The following PDE4B variants were observed in gnomAD, a reference collection of about 807,000 sequenced individuals.
PDE4B encodes 3',5'-cyclic-AMP phosphodiesterase 4B.
PDE4B carries 20 observed loss-of-function variants against 82.2 expected under a neutral mutation model. The ratio of observed to expected loss-of-function variants is 0.24; its 90% confidence interval spans 0.17 to 0.35. PDE4B has a LOEUF of 0.35. Ranked by LOEUF, PDE4B falls within the 10% of genes least tolerant of loss-of-function variation. The pLI, the probability that PDE4B is intolerant of heterozygous loss-of-function variation, is 1.00. For synonymous variants in PDE4B, 320 were observed against 318.9 expected (o/e 1.00, Z -0.04); for missense variants, 655 against 907.2 (o/e 0.72, Z 3.57).
chr1:66,141,412 T>C (rs1646170490), intron 3 of PDE4B, among the ~76,000 whole-genome samples: 1 of 145,712 alleles, frequency 6.9e-6, no homozygotes, highest in Admixed American at 7.0e-5. Flanking sequence ...TGAGCAAAGT[T>C]TCCCGAAGAT....
chr1:65,864,215 C>T (rs1646485518), intron 1 of PDE4B, among the ~76,000 whole-genome samples: 1 of 151,912 alleles, frequency 6.6e-6, no homozygotes, highest in African/African-American at 2.4e-5. Context: ...TCCACCGAGT[C>T]ATTTATGTTC....
At chr1:65,976,884 A>C (rs1446125025) in intron 3 of PDE4B, among the ~76,000 whole-genome samples, 1 of 152,164 alleles carries the variant, frequency 6.6e-6, no homozygotes, top group African/African-American at 2.4e-5. Flanking sequence ...TAAATTACTC[A>C]GTCTTAGGTA....
chr1:66,363,004 C>T (rs542142424), intron 10 of PDE4B, among the ~76,000 whole-genome samples, 164 bp from the exon 11 acceptor site: 6 of 152,162 alleles, frequency 3.9e-5, no homozygotes, highest in South Asian at 2.1e-4. Context: ...AGAGGACACC[C>T]GACCTCCTAG....
At chr1:66,013,404 G>T (rs1652596728) in intron 3 of PDE4B, among the ~76,000 whole-genome samples, 1 of 152,004 alleles carries the variant, frequency 6.6e-6, no homozygotes, top group Admixed American at 6.6e-5. Flanking sequence ...TGATGCTTTG[G>T]ATTCTACATT....
At chr1:66,198,537 T>G (rs1557626963) in intron 3 of PDE4B, among the ~76,000 whole-genome samples, 1 of 152,142 alleles carries the variant, frequency 6.6e-6, no homozygotes, top group Admixed American at 6.6e-5. Flanking sequence ...TTCCAAAGCC[T>G]CAAAGACTGT....
intron 3 of PDE4B, among the ~76,000 whole-genome samples, chr1:66,191,332 C>G (rs1427776577): frequency 6.6e-6 from 1 of 152,142 alleles, no homozygotes; most frequent in African/African-American, 2.4e-5. Flanking sequence ...AACACTTAAG[C>G]ATCTTCTTTG....
chr1:65,888,521 C>A (rs1020303516), intron 1 of PDE4B, among the ~76,000 whole-genome samples: 16 of 152,060 alleles, frequency 1.1e-4, no homozygotes, highest in Admixed American at 6.6e-5. Flanking sequence ...TATATTGAAT[C>A]TGCAAATTGC....
intron 3 of PDE4B, among the ~76,000 whole-genome samples, chr1:66,217,735 G>A (rs1369937336): frequency 6.6e-6 from 1 of 152,218 alleles, no homozygotes; most frequent in South Asian, 2.1e-4. Flanking sequence ...CCTAGGTTCT[G>A]TTGCGCAATT....
chr1:66,197,112 C>T lies in PDE4B; in HGVS notation c.282-50348C>T, dbSNP rs540193469. Among the ~76,000 whole-genome samples the T allele has an allele frequency of 7.2e-5, 11 of 151,948 alleles. No individual in the cohort carries two copies. The East Asian group carries it at 1.9e-3, about 27-fold the overall frequency. On this transcript the variant is annotated intron_variant, in intron 3 of 16. Coordinates refer to ENST00000341517, the MANE Select transcript of PDE4B (RefSeq NM_002600.4). ...TGAAGTCTGGATCTGTTTATGTTGCCGCAGTCCCTCTTGAAATTACCAAAT... is the reference window on the plus strand; with the variant it reads ...TGAAGTCTGGATCTGTTTATGTTGCTGCAGTCCCTCTTGAAATTACCAAAT...
chr1:66,259,387 A>C (rs1043171187), intron 6 of PDE4B, among the ~76,000 whole-genome samples: 2 of 152,080 alleles, frequency 1.3e-5, no homozygotes, highest in African/African-American at 4.8e-5. Flanking sequence ...AGCCACATGG[A>C]ATTATGTTCA....
intron 1 of PDE4B, among the ~76,000 whole-genome samples, chr1:65,800,113 C>T (rs577707355): frequency 8.5e-4 from 130 of 152,134 alleles, no homozygotes; most frequent in Admixed American, 1.8e-3. Context: ...AAAAGCACAT[C>T]CATGTTTTCC....
intron 3 of PDE4B, among the ~76,000 whole-genome samples, chr1:66,016,264 G>A (rs77726324): frequency 0.021 from 3,212 of 152,254 alleles, 115 homozygotes; most frequent in African/African-American, 0.073. Flanking sequence ...AGAAGCACAG[G>A]AAGAGACTCA....
At chr1:66,245,095 C>A (rs981767707) in intron 3 of PDE4B, among the ~76,000 whole-genome samples, 13 of 152,288 alleles carry the variant, frequency 8.5e-5, no homozygotes, top group Middle Eastern at 3.4e-3. Flanking sequence ...CAGATACACA[C>A]AGCAGTGGTA....
At chr1:66,318,455 T>A (rs1570683277) in intron 7 of PDE4B, among the ~76,000 whole-genome samples, 1 of 152,218 alleles carries the variant, frequency 6.6e-6, no homozygotes, top group Admixed American at 6.5e-5. Context: ...GGAGGCAAAC[T>A]GCCTCAGTCT....
intron 1 of PDE4B, among the ~76,000 whole-genome samples, chr1:65,814,194 C>T (rs1350828276): frequency 6.6e-6 from 1 of 152,182 alleles, no homozygotes; most frequent in Non-Finnish European, 1.5e-5. Flanking sequence ...ATGGAAACAG[C>T]TCAGGGTGTG....
In PDE4B at chr1:65,808,270, C is replaced by T. The variant is rs568935168; in HGVS notation, c.-71+15022C>T. On this transcript the variant is annotated intron_variant, in intron 1 of 16. Coordinates refer to ENST00000341517, the MANE Select transcript of PDE4B (RefSeq NM_002600.4). ...CACTATAACCTTCAACTCCTGGGCT[C>T]AAGTGACCCTCCTGCCTCAACCTCC... 4.0e-5 allele frequency among the ~76,000 whole-genome samples: 6 copies of T among 150,926 alleles called. No homozygotes were observed. The East Asian group carries it at 9.8e-4, about 25-fold the overall frequency.
At chr1:65,936,800 C>G (rs1648171010) in intron 3 of PDE4B, among the ~76,000 whole-genome samples, 1 of 152,190 alleles carries the variant, frequency 6.6e-6, no homozygotes, top group Non-Finnish European at 1.5e-5. Flanking sequence ...TTGAACTCTC[C>G]TTTCAGCCAA....
At chr1:66,159,054 A>G (rs1298326680) in intron 3 of PDE4B, among the ~76,000 whole-genome samples, 2 of 152,148 alleles carry the variant, frequency 1.3e-5, no homozygotes, top group South Asian at 2.1e-4. Flanking sequence ...ATAAAAATGT[A>G]TTGTATATTT....
chr1:66,118,424 A>G (rs1366171963), intron 3 of PDE4B, among the ~76,000 whole-genome samples: 1 of 152,226 alleles, frequency 6.6e-6, no homozygotes, highest in Non-Finnish European at 1.5e-5. Context: ...CTTTGTAGGG[A>G]CATGGATAAA....
Sources: gnomAD v4.1 joint callset for allele counts (sites outside exome capture counted in the v4.1 genomes callset) on GRCh38, gnomAD v4.1.1 for gene constraint, MANE v1.5 for transcripts, NCBI Gene and HGNC (gene_info 2026-07-23, HGNC 2026-07-21) for gene names.